The following MINDY1 variants were observed in gnomAD, a reference collection of about 807,000 sequenced individuals.
MINDY1 encodes the protein MINDY lysine 48 deubiquitinase 1.
A neutral mutation model predicts 53.6 loss-of-function variants in MINDY1; 50 were observed. That is an observed-to-expected ratio of 0.93 (90% CI 0.74 to 1.18). The LOEUF (loss-of-function observed/expected upper bound fraction) is 1.18, where lower values mean the gene tolerates loss of function less well. Among genes scored for constraint, MINDY1 ranks in the 50% most tolerant of loss-of-function variants. The pLI is 0.00. For missense variants in MINDY1, 484 were observed against 578.6 expected (o/e 0.84, Z 1.68); for synonymous variants, 231 against 234.7 (o/e 0.98, Z 0.14).
chr1:150,999,556 G>T lies in MINDY1; in HGVS notation c.839-45C>A. 10 of 1,609,282 alleles carry T rather than the reference G, an allele frequency of 6.2e-6. No individual in the cohort carries two copies. The highest frequency in any genetic ancestry group is 8.5e-6 in the Non-Finnish European group (10 of 1,179,022). On this transcript the variant is annotated intron_variant, in intron 6 of 9. Coordinates refer to ENST00000683666, the MANE Select transcript of MINDY1 (RefSeq NM_001376665.1). This position sits in a 1 kb window ranked among gnomAD's most constrained non-coding sequence, Gnocchi z 4.4. The stretch of plus-strand genomic sequence containing the variant: ...CGGGGGAAACTTGGCTTAAATTCAA[G>T]GTCCACAACAGGAAGGACCATCCAG...
chr1:151,002,779 T>C lies in MINDY1; in HGVS notation c.-89-73A>G. On this transcript the variant is annotated intron_variant, in intron 1 of 9. Transcript: ENST00000683666. This position sits in a 1 kb window ranked among gnomAD's most constrained non-coding sequence, Gnocchi z 4.1. ...GAAAAGTCTTGGAAAAGGAATGTAG[T>C]GTAGAAGGCTGGCTAGTGTTTGTGC... The C allele has an allele frequency of 2.0e-6, 3 of 1,482,540 alleles. No individual in the cohort carries two copies. The highest frequency in any genetic ancestry group is 2.7e-6 in the Non-Finnish European group (3 of 1,115,046). 91.8% of individuals were successfully genotyped at this position (1,482,540 alleles called of 1,614,324 possible). A position where few individuals can be genotyped will look rare whatever the true frequency, so the allele number is the denominator to read the frequency against.
chr1:151,000,619 G>C lies in MINDY1; in HGVS notation c.577-4C>G. 2 of 1,599,342 alleles carry C rather than the reference G, an allele frequency of 1.3e-6. No individual in the cohort carries two copies. Among genetic ancestry groups the C allele is most frequent in the Non-Finnish European group, 1.7e-6 (2 of 1,174,392 alleles). On this transcript the variant is annotated splice_polypyrimidine_tract_variant and splice_region_variant and intron_variant, in intron 4 of 9. Transcript: ENST00000683666. ...CTGTCATTGCATCATCCACATTCTG[G>C]GGGTAGAAAAAAAAATGATGGAGAT...
intron 1 of MINDY1, chr1:151,006,063 T>C: frequency 6.5e-7 from 1 of 1,550,266 alleles, no homozygotes; most frequent in Middle Eastern, 1.7e-4. Flanking sequence ...TCTCAGAATA[T>C]GTCAACCATG....
At position 151,001,231 on chromosome 1, in the gene MINDY1, T is replaced by G; in HGVS notation, c.576+19A>C. On this transcript the variant is annotated intron_variant, in intron 4 of 9. Transcript: ENST00000683666. ...TTACAAACCTGCAAACCCCTATGCC[T>G]GCAGACCTTTTGCCTCACCTGCTGA... 1.9e-6 allele frequency: 3 copies of G among 1,614,054 alleles called. No homozygotes were observed. The highest frequency in any genetic ancestry group is 2.5e-6 in the Non-Finnish European group (3 of 1,179,900).
At chr1:151,000,730 G>A (rs1324712434) in intron 4 of MINDY1, 115 bp from the exon 5 acceptor site, 3 of 1,174,302 alleles carry the variant, frequency 2.6e-6, no homozygotes, top group Non-Finnish European at 2.4e-6. Context: ...TCTCTTACAA[G>A]CCACTCCATT....
intron 1 of MINDY1, among the ~76,000 whole-genome samples, chr1:151,005,599 T>C (rs774429146): frequency 1.3e-5 from 2 of 148,910 alleles, no homozygotes; most frequent in Non-Finnish European, 1.5e-5. Flanking sequence ...AACCCAGGAG[T>C]GGACACCTGA....
chr1:150,997,521 G>T, intron 9 of MINDY1, 103 bp downstream of exon 9: 1 of 1,584,298 alleles, frequency 6.3e-7, no homozygotes, highest in South Asian at 1.1e-5. Context: ...AGGACTCTGA[G>T]AGAAGAAACC....
chr1:151,006,344 A>C lies in MINDY1; in HGVS notation c.-122T>G. The C allele has an allele frequency of 7.1e-7, 1 of 1,407,962 alleles. No homozygotes were observed. The highest frequency in any genetic ancestry group is 9.2e-7 in the Non-Finnish European group (1 of 1,082,030). 87.2% of individuals were successfully genotyped at this position (1,407,962 alleles called of 1,614,324 possible). ...AAGGGGGTGCTGTTCCAAGATTGAG[A>C]AGGAGGGTTCAGCCGTGGCAATGAG... On this transcript the variant is annotated 5_prime_UTR_variant, in exon 1 of 10. Coordinates refer to ENST00000683666, the MANE Select transcript of MINDY1 (RefSeq NM_001376665.1).
chr1:150,997,781 T>TG lies in MINDY1; in HGVS notation c.1174-3dup, dbSNP rs1219001135. On this transcript the variant is annotated splice_region_variant and splice_polypyrimidine_tract_variant and intron_variant, in intron 8 of 9. Coordinates refer to ENST00000683666, the MANE Select transcript of MINDY1 (RefSeq NM_001376665.1). ...CAGGGACAGAGCAATCAGGTAGTCC[T>TG]GGGGAGAACAAGAGTTGTGCAGTGG... 25 of 1,610,114 alleles carry TG rather than the reference T, an allele frequency of 1.6e-5. No homozygotes were observed. The highest frequency in any genetic ancestry group is 2.0e-5 in the Non-Finnish European group (24 of 1,177,478).
chr1:150,997,621 C>T lies in MINDY1; in HGVS notation c.1329+3G>A. On this transcript the variant is annotated splice_donor_region_variant and intron_variant, in intron 9 of 9. Coordinates refer to ENST00000683666, the MANE Select transcript of MINDY1 (RefSeq NM_001376665.1). ...GAGTGTGGGCGCCCAGGCAGCAGCC[C>T]ACCTGCAGTGACAGGACCCGCGTCC... The T allele has an allele frequency of 6.2e-7, 1 of 1,607,158 alleles. No homozygotes were observed. Among genetic ancestry groups the T allele is most frequent in the Non-Finnish European group, 8.5e-7 (1 of 1,179,996 alleles).
Position 151,002,557 on chromosome 1 carries a change from T to C in MINDY1, c.61A>G (p.Ile21Val). The change falls in exon 2 of 10, where the codon ATC becomes GTC. Residue 21 changes from isoleucine (I) to valine (V), a missense_variant. Ile to Val is a conservative substitution (Grantham distance 29). Coordinates refer to ENST00000683666, the MANE Select transcript of MINDY1 (RefSeq NM_001376665.1). The surrounding 1 kb of genome is among the most constrained non-coding windows in gnomAD (Gnocchi z 4.1). ...PGKAGTAEAVIPENHEVLAGP... is the reference protein window; with the variant it reads ...PGKAGTAEAVVPENHEVLAGP... ...GCCAGAACCTCATGGTTTTCAGGGA[T>C]GACTGCTTCTGCAGTCCCGGCCTTA... The C allele has an allele frequency of 1.2e-6, 2 of 1,614,234 alleles. No individual in the cohort carries two copies. Among genetic ancestry groups the C allele is most frequent in the Non-Finnish European group, 1.7e-6 (2 of 1,180,044 alleles).
chr1:150,997,429 G>A (rs764076257), intron 9 of MINDY1, 62 bp from the exon 10 acceptor site: 2 of 1,555,684 alleles, frequency 1.3e-6, no homozygotes, highest in Non-Finnish European at 1.7e-6. Context: ...AGAGATTCTA[G>A]AAGAAGGGGT....
At chr1:151,008,177 AG>A, upstream of MINDY1, 1 of 969,088 alleles carries the variant, frequency 1.0e-6, no homozygotes, top group Non-Finnish European at 1.3e-6. Flanking sequence ...ATATATGTAA[AG>A]ATGTTATACT....
Position 151,000,621 on chromosome 1 carries a change from G to A in MINDY1, c.577-6C>T. On this transcript the variant is annotated splice_polypyrimidine_tract_variant and splice_region_variant and intron_variant, in intron 4 of 9. Coordinates refer to ENST00000683666, the MANE Select transcript of MINDY1 (RefSeq NM_001376665.1). ...GTCATTGCATCATCCACATTCTGGG[G>A]GTAGAAAAAAAAATGATGGAGATTC... The A allele has an allele frequency of 1.3e-6, 2 of 1,595,162 alleles. No homozygotes were observed. The highest frequency in any genetic ancestry group is 2.3e-5 in the South Asian group (2 of 88,190).
rs774049788 is a variant in MINDY1, at chr1:150,999,881, G to A, written c.819C>T (p.Asp273=). Residue 273 remains aspartate, a synonymous_variant, in exon 6 of 10, where the codon GAC becomes GAT. Coordinates refer to ENST00000683666, the MANE Select transcript of MINDY1 (RefSeq NM_001376665.1). The surrounding 1 kb of genome is among the most constrained non-coding windows in gnomAD (Gnocchi z 4.4). ...TGTCACCTTCTGTCACGAGGTTGGT[G>A]TCACTGGAGTGTTTGCAGGTGATGA... ...ERIITCKHSS[D]TNLVTEGLIA... is the part of the protein sequence containing the mutation. The A allele has an allele frequency of 1.5e-5, 25 of 1,613,994 alleles. No individual in the cohort carries two copies. The South Asian group carries it at 2.5e-4, about 16-fold the overall frequency.
upstream of MINDY1, chr1:151,008,344 C>T (rs978405507): frequency 7.6e-7 from 1 of 1,311,888 alleles, no homozygotes; most frequent in Non-Finnish European, 9.8e-7. Context: ...CCCACGTCGC[C>T]CCACGCCACG....
chr1:150,999,332 A>C lies in MINDY1; in HGVS notation c.981+37T>G. On this transcript the variant is annotated intron_variant, in intron 7 of 9. Transcript: ENST00000683666. The surrounding 1 kb of genome is among the most constrained non-coding windows in gnomAD (Gnocchi z 4.4). ...CACGAGAAAAAGGCACCAGGAAATGACAGCACCGCAGCACGCCACCCCCAA... is the reference window on the plus strand; with the variant it reads ...CACGAGAAAAAGGCACCAGGAAATGCCAGCACCGCAGCACGCCACCCCCAA... 6.2e-7 allele frequency: 1 copy of C among 1,611,442 alleles called. No individual in the cohort carries two copies. Among genetic ancestry groups the C allele is most frequent in the Non-Finnish European group, 8.5e-7 (1 of 1,178,016 alleles).
In MINDY1 at chr1:150,999,949, G is replaced by A. The variant is rs750545423; in HGVS notation, c.751C>T (p.Arg251Cys). The A allele has an allele frequency of 8.7e-6, 14 of 1,613,712 alleles. No homozygotes were observed. Among genetic ancestry groups the A allele is most frequent in the Admixed American group, 1.7e-5 (1 of 59,984 alleles). Residue 251 changes from arginine to cysteine, a missense_variant, in exon 6 of 10, where the codon CGT becomes TGT. Physicochemically the swap from Arg to Cys is radical, Grantham distance 180 (BLOSUM62 -3). Coordinates refer to ENST00000683666, the MANE Select transcript of MINDY1 (RefSeq NM_001376665.1). The surrounding 1 kb of genome is among the most constrained non-coding windows in gnomAD (Gnocchi z 4.4). Reference protein sequence around the residue: ...LVDPQSPEAVRAVGKLSYNQL... With the variant: ...LVDPQSPEAVCAVGKLSYNQL... ...TTGTAACTCAGTTTCCCAACTGCAC[G>A]CACAGCCTCAGGACTCTGCTTGGGT...
chr1:151,002,660 A>C lies in MINDY1; in HGVS notation c.-43T>G, dbSNP rs1454744969. The C allele has an allele frequency of 6.2e-7, 1 of 1,613,824 alleles. No homozygotes were observed. On this transcript the variant is annotated 5_prime_UTR_variant, in exon 2 of 10. Coordinates refer to ENST00000683666, the MANE Select transcript of MINDY1 (RefSeq NM_001376665.1). The surrounding 1 kb of genome is among the most constrained non-coding windows in gnomAD (Gnocchi z 4.1). ...CTGAGGGGCACTGAAGGTGTTTACT[A>C]ACCTCAGGGACTTGCCTAAGCCAGG...
Sources: allele counts gnomAD v4.1 joint callset (sites outside exome capture counted in the v4.1 genomes callset), GRCh38; gene constraint gnomAD v4.1.1; non-coding constraint Gnocchi (gnomAD v3.1); transcripts MANE v1.5; gene names NCBI Gene and HGNC (gene_info 2026-07-23, HGNC 2026-07-21).